The following KCND2 variants were observed in gnomAD, a reference collection of about 807,000 sequenced individuals.
KCND2 encodes the protein potassium voltage-gated channel subfamily D member 2, also known as A-type voltage-gated potassium channel KCND2.
Under a neutral mutation model 54.4 loss-of-function variants are expected in KCND2, and 16 were observed. The ratio of observed to expected loss-of-function variants is 0.29; its 90% confidence interval spans 0.20 to 0.45. The LOEUF is 0.45. KCND2 is among the 20% of genes least tolerant of loss of function. KCND2 has a pLI of 1.00. For synonymous variants in KCND2, 317 were observed against 310.7 expected, an observed-to-expected ratio of 1.02 and a Z score of -0.21; for missense variants, 486 against 824.2, an observed-to-expected ratio of 0.59 and a Z score of 5.02.
At chr7:120,352,769 C>T (rs924430093) in intron 1 of KCND2, among the ~76,000 whole-genome samples, 3 of 151,894 alleles carry the variant, frequency 2.0e-5, no homozygotes, top group African/African-American at 7.3e-5. Flanking sequence ...AGAAATATGA[C>T]TGAAAAATGC....
intron 1 of KCND2, among the ~76,000 whole-genome samples, chr7:120,508,223 T>C (rs562213292): frequency 6.6e-6 from 1 of 152,140 alleles, no homozygotes; most frequent in South Asian, 2.1e-4. Flanking sequence ...AAAGAATCAC[T>C]TTTTATTATG....
At chr7:120,418,985 T>TATTG (rs1801567790) in intron 1 of KCND2, among the ~76,000 whole-genome samples, 1 of 152,206 alleles carries the variant, frequency 6.6e-6, no homozygotes, top group South Asian at 2.1e-4. Context: ...TTCTGCTGAA[T>TATTG]ATTGAGTCAG....
intron 1 of KCND2, among the ~76,000 whole-genome samples, chr7:120,533,007 C>T (rs1421775824): frequency 6.6e-6 from 1 of 151,994 alleles, no homozygotes; most frequent in Non-Finnish European, 1.5e-5. Flanking sequence ...AATGATTTTA[C>T]TCTCTTCCTT....
intron 1 of KCND2, among the ~76,000 whole-genome samples, chr7:120,515,635 TAC>T (rs1385505655): frequency 1.3e-5 from 2 of 152,028 alleles, no homozygotes; most frequent in Non-Finnish European, 2.9e-5. Flanking sequence ...CAGAGACTCC[TAC>T]AGAGTTGGGA....
chr7:120,500,719 A>G (rs1277135873), intron 1 of KCND2, among the ~76,000 whole-genome samples: 1 of 151,832 alleles, frequency 6.6e-6, no homozygotes, highest in Non-Finnish European at 1.5e-5. Flanking sequence ...CCAGTTAGAT[A>G]ACTTGCTATT....
In KCND2 at chr7:120,378,226, T is replaced by A. The variant is rs371669200; in HGVS notation, c.1115+102479T>A. ...TATATGCAATGGTTTAAAATTCATC[T>A]TCTGATTGTCACATGCCATGATTAA... is the stretch of plus-strand genomic sequence containing the variant. On this transcript the variant is annotated intron_variant, in intron 1 of 5. Coordinates refer to ENST00000331113, the MANE Select transcript of KCND2 (RefSeq NM_012281.3). Among the ~76,000 whole-genome samples, 578 of 152,114 alleles carry A rather than the reference T, an allele frequency of 3.8e-3. 3 individuals carry two copies. Among genetic ancestry groups the A allele is most frequent in the Middle Eastern group, 6.8e-3 (2 of 294 alleles).
chr7:120,607,784 G>T (rs1792901041), intron 1 of KCND2, among the ~76,000 whole-genome samples: 1 of 152,042 alleles, frequency 6.6e-6, no homozygotes, highest in South Asian at 2.1e-4. Flanking sequence ...GTAAATTCTA[G>T]ATATAGCATG....
At chr7:120,610,759 C>G (rs575632465) in intron 1 of KCND2, among the ~76,000 whole-genome samples, 3 of 152,276 alleles carry the variant, frequency 2.0e-5, no homozygotes, top group East Asian at 3.9e-4. Flanking sequence ...TTTAAAGAAG[C>G]TACATTCTCT....
intron 4 of KCND2, among the ~76,000 whole-genome samples, chr7:120,745,492 G>T (rs762725112): frequency 6.6e-6 from 1 of 150,784 alleles, no homozygotes; most frequent in Non-Finnish European, 1.5e-5. Flanking sequence ...ATACCTTCCA[G>T]ATTTTATGTT....
intron 1 of KCND2, among the ~76,000 whole-genome samples, chr7:120,515,603 C>T (rs770439149): frequency 1.3e-5 from 2 of 151,904 alleles, no homozygotes; most frequent in African/African-American, 4.8e-5. Context: ...GGATATGTTC[C>T]CCTGTTAATG....
At chr7:120,280,911 T>C (rs1434110895) in intron 1 of KCND2, among the ~76,000 whole-genome samples, 1 of 152,126 alleles carries the variant, frequency 6.6e-6, no homozygotes, top group Non-Finnish European at 1.5e-5. Context: ...CTTAGTTCTA[T>C]TGATGTGACT....
At chr7:120,322,705 C>T (rs566985425) in intron 1 of KCND2, among the ~76,000 whole-genome samples, 8 of 152,024 alleles carry the variant, frequency 5.3e-5, no homozygotes, top group African/African-American at 1.9e-4. Context: ...GTGTTAACTC[C>T]GGTTAAGAAT....
chr7:120,374,239 C>T (rs1032816336), intron 1 of KCND2, among the ~76,000 whole-genome samples: 1 of 151,720 alleles, frequency 6.6e-6, no homozygotes, highest in African/African-American at 2.4e-5. Flanking sequence ...CTATTTTTAA[C>T]TCTTAAAAAA....
intron 1 of KCND2, among the ~76,000 whole-genome samples, chr7:120,699,931 GT>G (rs1251518915): frequency 1.3e-5 from 2 of 152,110 alleles, no homozygotes; most frequent in Non-Finnish European, 2.9e-5. Flanking sequence ...GAAACTCATG[GT>G]AGAACCCCAA....
chr7:120,529,749 C>T (rs1791820446), intron 1 of KCND2, among the ~76,000 whole-genome samples: 1 of 152,064 alleles, frequency 6.6e-6, no homozygotes, highest in African/African-American at 2.4e-5. Flanking sequence ...CTCTAAAATT[C>T]CAGAGACTAG....
At chr7:120,447,560 C>A (rs1310190654) in intron 1 of KCND2, among the ~76,000 whole-genome samples, 1 of 151,984 alleles carries the variant, frequency 6.6e-6, no homozygotes, top group Non-Finnish European at 1.5e-5. Context: ...CAACCCTGTA[C>A]CTCTTTTCTT....
chr7:120,701,190 G>A (rs1321230686), intron 1 of KCND2, among the ~76,000 whole-genome samples: 1 of 134,442 alleles, frequency 7.4e-6, no homozygotes. Context: ...TAGACCCATG[G>A]TCATAGCTAG....
At chr7:120,513,688 T>C (rs1803154591) in intron 1 of KCND2, among the ~76,000 whole-genome samples, 2 of 152,200 alleles carry the variant, frequency 1.3e-5, no homozygotes, top group South Asian at 4.1e-4. Flanking sequence ...ATTTCGTTTT[T>C]TGTTTGTTTT....
At chr7:120,648,349 G>A (rs1263563591) in intron 1 of KCND2, among the ~76,000 whole-genome samples, 1 of 152,132 alleles carries the variant, frequency 6.6e-6, no homozygotes, top group Non-Finnish European at 1.5e-5. Flanking sequence ...AAACTAATGG[G>A]TGCCATGGAA....
Sources: gnomAD v4.1 joint callset for allele counts (sites outside exome capture counted in the v4.1 genomes callset) on GRCh38, gnomAD v4.1.1 for gene constraint, MANE v1.5 for transcripts, NCBI Gene and HGNC (gene_info 2026-07-23, HGNC 2026-07-21) for gene names.